Variants in RGS5 observed in about 807,000 individuals in gnomAD.
The protein encoded by RGS5 is regulator of G-protein signalling 5.
In RGS5, 20 loss-of-function variants were observed where a neutral mutation model predicts 18.9. The observed-to-expected ratio is 1.06, with a 90% CI of 0.74 to 1.54. RGS5 has a LOEUF of 1.54. Ranked by LOEUF, RGS5 falls within the 40% of genes most tolerant of loss-of-function variation. The probability of loss-of-function intolerance (pLI) is 0.00; values close to 1 mark genes in which losing one functional copy is unlikely to be tolerated. For missense variants in RGS5, 201 were observed against 211.8 expected (o/e 0.95, Z 0.32); for synonymous variants, 57 against 76.2 (o/e 0.75, Z 1.31).
intron 1 of RGS5, among the ~76,000 whole-genome samples, chr1:163,183,029 T>C (rs1294589147): frequency 6.6e-6 from 1 of 152,198 alleles, no homozygotes; most frequent in Non-Finnish European, 1.5e-5. Flanking sequence ...CATCACTTAA[T>C]AAAACTACAG....
chr1:163,165,458 G>T (rs1657998072), intron 2 of RGS5, among the ~76,000 whole-genome samples: 1 of 152,202 alleles, frequency 6.6e-6, no homozygotes. Flanking sequence ...AACCTATGTG[G>T]TTGGCTAATG....
intron 2 of RGS5, among the ~76,000 whole-genome samples, chr1:163,275,673 C>G (rs1182324785): frequency 6.6e-6 from 1 of 152,164 alleles, no homozygotes; most frequent in Non-Finnish European, 1.5e-5. Flanking sequence ...TTTTACATCT[C>G]TTTTCAGCTT....
chr1:163,157,598 T>C (rs904091755), intron 3 of RGS5, among the ~76,000 whole-genome samples: 10 of 152,208 alleles, frequency 6.6e-5, no homozygotes, highest in Non-Finnish European at 1.5e-5. Flanking sequence ...ACACATCAAC[T>C]GTGAAAGTCA....
chr1:163,313,286 T>C (rs114324629), intron 1 of RGS5, among the ~76,000 whole-genome samples: 295 of 152,338 alleles, frequency 1.9e-3, no homozygotes, highest in African/African-American at 6.9e-3. Flanking sequence ...ATGTGTTTTG[T>C]TTTAGTTAAT....
chr1:163,250,475 A>G (rs561617857), intron 2 of RGS5, among the ~76,000 whole-genome samples: 1 of 152,202 alleles, frequency 6.6e-6, no homozygotes, highest in African/African-American at 2.4e-5. Context: ...TACAGCTTTG[A>G]GATTAAATGA....
chr1:163,286,940 A>C (rs1042710991), intron 2 of RGS5, among the ~76,000 whole-genome samples: 11 of 152,176 alleles, frequency 7.2e-5, no homozygotes, highest in African/African-American at 2.4e-4. Context: ...AACAGGAAAT[A>C]TATTTTGTGA....
chr1:163,191,449 C>A (rs1235855081), intron 1 of RGS5, among the ~76,000 whole-genome samples: 2 of 152,116 alleles, frequency 1.3e-5, no homozygotes, highest in Non-Finnish European at 2.9e-5. Flanking sequence ...AGATAGATAT[C>A]CTCTTCAGAG....
Position 163,145,184 on chromosome 1 carries a change from A to G in RGS5, c.*2158T>C, listed in dbSNP as rs1657082838. On this transcript the variant is annotated 3_prime_UTR_variant, in exon 5 of 5. Coordinates refer to ENST00000313961, the MANE Select transcript of RGS5 (RefSeq NM_003617.4). ...TCAATTTGTGAGTACAGTCCACTGG[A>G]GTCTTCATAACATCAACCCTCTAGG... The G allele has an allele frequency of 6.6e-6, 1 of 152,196 alleles. No individual in the cohort carries two copies. The highest frequency in any genetic ancestry group is 2.4e-5 in the African/African-American group (1 of 41,446). The allele number at this position is 152,196 out of a possible 1,614,324, so 9.4% of individuals were successfully genotyped here. A position where few individuals can be genotyped will look rare whatever the true frequency, so the allele number is the denominator to read the frequency against.
At chr1:163,218,439 CTG>C (rs1053253681), upstream of RGS5, among the ~76,000 whole-genome samples, 4 of 151,924 alleles carry the variant, frequency 2.6e-5, no homozygotes, top group African/African-American at 7.2e-5. Flanking sequence ...AGTAGATCCA[CTG>C]TTAGATATTA....
At chr1:163,308,161 T>C (rs957155186) in intron 1 of RGS5, among the ~76,000 whole-genome samples, 2 of 152,340 alleles carry the variant, frequency 1.3e-5, no homozygotes, top group African/African-American at 4.8e-5. Context: ...AGCAGTGTGC[T>C]ACATTTAAAA....
chr1:163,222,203 T>C (rs1314883073), upstream of RGS5, among the ~76,000 whole-genome samples: 2 of 152,064 alleles, frequency 1.3e-5, no homozygotes, highest in Non-Finnish European at 2.9e-5. Context: ...AGCAGGTGAG[T>C]GGCAGGTGAG....
intron 2 of RGS5, chr1:163,266,540 T>C (rs556644255): frequency 6.6e-6 from 1 of 152,152 alleles, no homozygotes; most frequent in Non-Finnish European, 1.5e-5. Context: ...TTTGCCTCAA[T>C]GTTTTAATGC....
chr1:163,280,706 C>G (rs959954379), intron 2 of RGS5, among the ~76,000 whole-genome samples: 1 of 151,782 alleles, frequency 6.6e-6, no homozygotes, highest in Non-Finnish European at 1.5e-5. Flanking sequence ...TCTATAGATT[C>G]AATGCAATTC....
At chr1:163,160,005 A>C (rs1214227691) in intron 3 of RGS5, among the ~76,000 whole-genome samples, 2 of 152,168 alleles carry the variant, frequency 1.3e-5, no homozygotes, top group African/African-American at 4.8e-5. Context: ...CACGATGGTA[A>C]TCATCTGTTT....
intron 1 of RGS5, among the ~76,000 whole-genome samples, chr1:163,311,247 G>C (rs531251099): frequency 6.6e-6 from 1 of 152,168 alleles, no homozygotes; most frequent in Non-Finnish European, 1.5e-5. Flanking sequence ...CCTTGCTCTG[G>C]ATTAGGCTTT....
chr1:163,150,150 A>G (rs1657315243), intron 4 of RGS5, among the ~76,000 whole-genome samples: 3 of 152,192 alleles, frequency 2.0e-5, no homozygotes, highest in Admixed American at 2.0e-4. Flanking sequence ...GGTCTAATGT[A>G]TACTATTGTA....
rs559768692 is a variant in RGS5 at position 163,247,611 on chromosome 1, T to C, written c.-281+58622A>G. ...ATATATATATATATATGTATACGTA[T>C]GACATATATAGGATAGGTATAGGTT... On this transcript the variant is annotated intron_variant, in intron 2 of 5. Coordinates refer to the RGS5 transcript ENST00000618415. Among the ~76,000 whole-genome samples the C allele has an allele frequency of 1.1e-4, 16 of 151,252 alleles. No homozygotes were observed. In the East Asian group the frequency reaches 2.3e-3, roughly 22 times the overall value.
chr1:163,152,459 G>T, intron 4 of RGS5, 91 bp downstream of exon 4: 1 of 1,346,416 alleles, frequency 7.4e-7, no homozygotes, highest in East Asian at 2.3e-5. Context: ...AATAGCCTTT[G>T]GCTCCCAACG....
upstream of RGS5, among the ~76,000 whole-genome samples, chr1:163,206,381 T>A (rs1485320757): frequency 1.3e-5 from 2 of 152,084 alleles, no homozygotes; most frequent in Non-Finnish European, 2.9e-5. Context: ...CTTTTTGATT[T>A]TTTTAATGAA....
Sources: gnomAD v4.1 joint callset for allele counts (sites outside exome capture counted in the v4.1 genomes callset) on GRCh38, gnomAD v4.1.1 for gene constraint, MANE v1.5 for transcripts, NCBI Gene and HGNC (gene_info 2026-07-23, HGNC 2026-07-21) for gene names.